Variants in RHPN2 observed in about 807,000 individuals in gnomAD.
RHPN2 encodes the protein rhophilin Rho GTPase binding protein 2, also known as rhophilin-2.
RHPN2 carries 40 observed loss-of-function variants against 79.0 expected under a neutral mutation model. The observed-to-expected ratio is 0.51, with a 90% CI of 0.39 to 0.66. The LOEUF is 0.66. RHPN2 is among the 30% of genes least tolerant of loss of function. The pLI is 0.00. For synonymous variants in RHPN2, 285 were observed against 363.5 expected (o/e 0.78, Z 2.46); for missense variants, 686 against 883.5 (o/e 0.78, Z 2.83).
intron 2 of RHPN2, among the ~76,000 whole-genome samples, chr19:33,027,628 A>G (rs1971979359): frequency 6.6e-6 from 1 of 152,154 alleles, no homozygotes; most frequent in Non-Finnish European, 1.5e-5. Context: ...AGTATTAGCA[A>G]TCCAAGCCTA....
At chr19:33,002,615 A>T (rs571230003) in intron 8 of RHPN2, among the ~76,000 whole-genome samples, 198 bp downstream of exon 8, 1 of 152,290 alleles carries the variant, frequency 6.6e-6, no homozygotes, top group Admixed American at 6.5e-5. Flanking sequence ...TTTTTAGGTT[A>T]AGCTGCAGAT....
At chr19:33,006,372 T>C (rs1192645477) in intron 7 of RHPN2, among the ~76,000 whole-genome samples, 4 of 152,092 alleles carry the variant, frequency 2.6e-5, no homozygotes, top group Admixed American at 6.6e-5. Flanking sequence ...AATTTTTAAA[T>C]ATTTTGTAGA....
In RHPN2 at chr19:33,064,740, T is replaced by C. The variant is rs941489897; in HGVS notation, c.69+44A>G. 3 of 1,502,676 alleles carry C rather than the reference T, an allele frequency of 2.0e-6. No individual in the cohort carries two copies. The African/African-American group carries it at 4.4e-5, about 22-fold the overall frequency. The allele number at this position is 1,502,676 out of a possible 1,614,324, so 93.1% of individuals were successfully genotyped here. On this transcript the variant is annotated intron_variant, in intron 1 of 14. Coordinates refer to ENST00000254260, the MANE Select transcript of RHPN2 (RefSeq NM_033103.5). ...CCTGCAGGGCCCGGGGGAAAGGAGG[T>C]CTGGAGCCCGCAGGTCCCCGCCCGC...
chr19:33,057,776 G>A (rs1019455665), intron 1 of RHPN2, among the ~76,000 whole-genome samples: 1 of 151,880 alleles, frequency 6.6e-6, no homozygotes, highest in Non-Finnish European at 1.5e-5. Context: ...TCTGTACTGC[G>A]GGTGTCCATT....
At chr19:33,028,421 T>C (rs2145251498) in intron 2 of RHPN2, among the ~76,000 whole-genome samples, 1 of 152,322 alleles carries the variant, frequency 6.6e-6, no homozygotes, top group Middle Eastern at 3.4e-3. Context: ...CCTCCGAAAG[T>C]GCTGAGATTA....
chr19:33,064,081 C>T (rs1972305381), intron 1 of RHPN2, among the ~76,000 whole-genome samples: 1 of 152,146 alleles, frequency 6.6e-6, no homozygotes, highest in East Asian at 1.9e-4. Context: ...CAGTGGCTCA[C>T]GCCTGTAATC....
intron 8 of RHPN2, 51 bp from the exon 9 acceptor site, chr19:33,002,454 T>C (rs1195323584): frequency 6.2e-7 from 1 of 1,607,836 alleles, no homozygotes; most frequent in African/African-American, 1.3e-5. Context: ...AGGGCCCTCA[T>C]GAACCCATTT....
chr19:33,044,648 T>C (rs1972127454), intron 1 of RHPN2, among the ~76,000 whole-genome samples: 1 of 152,174 alleles, frequency 6.6e-6, no homozygotes. Flanking sequence ...ATCCCAGAAC[T>C]TTGGAAGGCC....
chr19:32,992,338 G>A (rs571814793), intron 12 of RHPN2, among the ~76,000 whole-genome samples: 99 of 151,916 alleles, frequency 6.5e-4, no homozygotes, highest in Non-Finnish European at 1.2e-3. Flanking sequence ...TTACAGGTGC[G>A]AACCACCATG....
intron 1 of RHPN2, chr19:33,051,746 T>G (rs149817508): frequency 5.6e-6 from 1 of 179,858 alleles, no homozygotes; most frequent in Non-Finnish European, 1.2e-5. Flanking sequence ...AAAGGCCTGG[T>G]GTGGTGGCTC....
At chr19:32,993,859 T>C in intron 12 of RHPN2, 118 bp downstream of exon 12, 1 of 788,552 alleles carries the variant, frequency 1.3e-6, no homozygotes, top group Non-Finnish European at 2.3e-6. Context: ...TCTGCTGTCA[T>C]AAGCCCCCCA....
intron 5 of RHPN2, 60 bp downstream of exon 5, chr19:33,012,587 G>C: frequency 9.7e-7 from 1 of 1,028,310 alleles, no homozygotes; most frequent in Non-Finnish European, 1.6e-6. Flanking sequence ...GTGCAATAAT[G>C]GGGTTCCCTG....
intron 2 of RHPN2, among the ~76,000 whole-genome samples, chr19:33,038,629 C>T (rs1038586277): frequency 6.6e-6 from 1 of 151,862 alleles, no homozygotes; most frequent in African/African-American, 2.4e-5. Context: ...GCTGGGATTA[C>T]AGGCGCACAC....
chr19:32,984,710 G>A (rs1170430306), intron 14 of RHPN2, among the ~76,000 whole-genome samples: 5 of 152,054 alleles, frequency 3.3e-5, no homozygotes, highest in South Asian at 4.1e-4. Context: ...CCAACTATTC[G>A]GGAGGCTGAT....
At chr19:33,037,332 A>G (rs528586884) in intron 2 of RHPN2, among the ~76,000 whole-genome samples, 2 of 152,286 alleles carry the variant, frequency 1.3e-5, no homozygotes, top group South Asian at 2.1e-4. Context: ...AAATGCACCA[A>G]TCAGCACCCT....
chr19:33,064,726 C>A, intron 1 of RHPN2, 58 bp downstream of exon 1: 1 of 1,499,188 alleles, frequency 6.7e-7, no homozygotes, highest in Non-Finnish European at 8.9e-7. Context: ...CTGCAGGGCC[C>A]GGGGGAAAGG....
At chr19:33,028,834 T>C (rs1971987716) in intron 2 of RHPN2, among the ~76,000 whole-genome samples, 1 of 152,136 alleles carries the variant, frequency 6.6e-6, no homozygotes, top group African/African-American at 2.4e-5. Context: ...AGACAATTGA[T>C]TTTAAAATTT....
intron 1 of RHPN2, among the ~76,000 whole-genome samples, chr19:33,046,166 T>C (rs1972141262): frequency 6.6e-6 from 1 of 152,244 alleles, no homozygotes; most frequent in South Asian, 2.1e-4. Flanking sequence ...GCTGTTTATG[T>C]GCGTACAAGG....
intron 1 of RHPN2, among the ~76,000 whole-genome samples, chr19:33,052,400 C>T (rs562464942): frequency 1.3e-5 from 2 of 152,300 alleles, no homozygotes; most frequent in Admixed American, 1.3e-4. Flanking sequence ...AGAGATGACA[C>T]GGTAGGGCTG....
Sources: gnomAD v4.1 joint callset for allele counts (sites outside exome capture counted in the v4.1 genomes callset) on GRCh38, gnomAD v4.1.1 for gene constraint, MANE v1.5 for transcripts, NCBI Gene and HGNC (gene_info 2026-07-23, HGNC 2026-07-21) for gene names.